Variants in PCM1 observed in about 807,000 individuals in gnomAD.
PCM1 encodes pericentriolar material 1, also known as pericentriolar material 1 protein.
A neutral mutation model predicts 241.9 loss-of-function variants in PCM1; 157 were observed. That is an observed-to-expected ratio of 0.65 (90% CI 0.57 to 0.74). The LOEUF is 0.74. Ranked by LOEUF, PCM1 falls within the 30% of genes least tolerant of loss-of-function variation. The probability of loss-of-function intolerance (pLI) is 0.00; values close to 1 mark genes in which losing one functional copy is unlikely to be tolerated. For synonymous variants in PCM1, 1,085 were observed against 784.9 expected, an observed-to-expected ratio of 1.38 and a Z score of -6.39; for missense variants, 3,478 against 2,360.1, an observed-to-expected ratio of 1.47 and a Z score of -9.81.
intron 29 of PCM1, among the ~76,000 whole-genome samples, chr8:18,000,776 C>T (rs952404656): frequency 2.0e-5 from 3 of 152,140 alleles, no homozygotes; most frequent in Non-Finnish European, 4.4e-5. Context: ...TGCCTGTCAC[C>T]ATGCCTGGCT....
intron 16 of PCM1, among the ~76,000 whole-genome samples, 190 bp downstream of exon 16, chr8:17,962,364 A>T (rs2072731155): frequency 6.6e-6 from 1 of 152,178 alleles, no homozygotes; most frequent in East Asian, 1.9e-4. Context: ...AAGATAAAAC[A>T]TTTTAATTTT....
At chr8:17,941,126 A>G (rs564012372) in intron 6 of PCM1, among the ~76,000 whole-genome samples, 1 of 152,304 alleles carries the variant, frequency 6.6e-6, no homozygotes, top group South Asian at 2.1e-4. Context: ...TGATCCAAAC[A>G]GTTGTTGAAG....
chr8:18,012,542 C>T (rs921264591), intron 34 of PCM1, among the ~76,000 whole-genome samples: 3 of 152,006 alleles, frequency 2.0e-5, no homozygotes, highest in Non-Finnish European at 2.9e-5. Flanking sequence ...ATGGATGAGG[C>T]GGTGCTTTTT....
intron 24 of PCM1, among the ~76,000 whole-genome samples, chr8:17,981,440 A>G (rs1462107985): frequency 6.6e-6 from 1 of 152,158 alleles, no homozygotes; most frequent in Non-Finnish European, 1.5e-5. Flanking sequence ...ACATTATTAT[A>G]GTATTTCCCT....
intron 2 of PCM1, among the ~76,000 whole-genome samples, chr8:17,933,853 G>A (rs1011938429): frequency 6.6e-6 from 1 of 151,578 alleles, no homozygotes; most frequent in African/African-American, 2.4e-5. Context: ...TTCTTATTTT[G>A]GTCTTTATTG....
In PCM1 at chr8:18,006,414, G is replaced by A. The variant is rs773344479; in HGVS notation, c.4962+17G>A. 16 of 1,575,320 alleles carry A rather than the reference G, an allele frequency of 1.0e-5. No individual in the cohort carries two copies. The highest frequency in any genetic ancestry group is 1.7e-5 in the Admixed American group (1 of 59,758). ...ATATTACAGGTAAGAGTTTATACTT[G>A]TATGATTTACCAATATGTACTGTGT... On this transcript the variant is annotated intron_variant, in intron 30 of 38. Transcript: ENST00000325083.
rs775466199 is a variant in PCM1 at position 18,011,375 on chromosome 8, A to G, written c.5350+9A>G. ...ATGTCCAGTGTCTATTAGTAAGTTTAAAGGCTCTGTACTATCTTTATACTT... is the reference window on the plus strand; with the variant it reads ...ATGTCCAGTGTCTATTAGTAAGTTTGAAGGCTCTGTACTATCTTTATACTT... On this transcript the variant is annotated intron_variant, in intron 33 of 38. Transcript: ENST00000325083. 8.3e-6 allele frequency: 13 copies of G among 1,572,094 alleles called. No individual in the cohort carries two copies. In the African/African-American group the frequency reaches 1.7e-4, roughly 21 times the overall value.
chr8:17,952,882 A>G, intron 8 of PCM1, 88 bp from the exon 9 acceptor site: 1 of 793,288 alleles, frequency 1.3e-6, no homozygotes, highest in Non-Finnish European at 2.0e-6. Context: ...CTTTCTCTTT[A>G]TAAAGAATAT....
intron 2 of PCM1, among the ~76,000 whole-genome samples, chr8:17,932,991 T>C (rs1033191969): frequency 1.3e-5 from 2 of 152,150 alleles, no homozygotes; most frequent in Non-Finnish European, 2.9e-5. Flanking sequence ...GAGAAAGTAG[T>C]GACTCAAACG....
chr8:17,952,218 G>T (rs917366075), intron 8 of PCM1, among the ~76,000 whole-genome samples: 31 of 123,014 alleles, frequency 2.5e-4, no homozygotes, highest in African/African-American at 1.0e-3. Flanking sequence ...GTGAGACTTT[G>T]TCTCAAAAAT....
intron 1 of PCM1, among the ~76,000 whole-genome samples, chr8:17,924,007 G>T (rs199505554): frequency 1.8e-4 from 27 of 149,248 alleles, no homozygotes; most frequent in African/African-American, 4.7e-4. Flanking sequence ...GTTTTGTTTT[G>T]TTTTTTTGAG....
At chr8:17,935,824 A>T (rs752550169) in intron 3 of PCM1, 118 bp downstream of exon 3, 1 of 584,722 alleles carries the variant, frequency 1.7e-6, no homozygotes, top group Non-Finnish European at 3.2e-6. Flanking sequence ...CCAAGACATT[A>T]AGGGACCCTG....
At chr8:18,013,941 A>G (rs577568737) in intron 34 of PCM1, 23 bp from the exon 35 acceptor site, 3 of 1,493,070 alleles carry the variant, frequency 2.0e-6, no homozygotes, top group African/African-American at 1.4e-5. Context: ...AGGCCCTGCT[A>G]TTAAAACATT....
chr8:17,933,489 A>T (rs949282240), intron 2 of PCM1, among the ~76,000 whole-genome samples: 2 of 152,222 alleles, frequency 1.3e-5, no homozygotes, highest in Middle Eastern at 6.3e-3. Flanking sequence ...AACTGGAATT[A>T]CATTAAGCCA....
intron 29 of PCM1, among the ~76,000 whole-genome samples, chr8:17,994,493 A>G (rs936953887): frequency 1.3e-5 from 2 of 152,232 alleles, no homozygotes; most frequent in Non-Finnish European, 2.9e-5. Context: ...TGCAACAAAC[A>G]TGAGTGTGCA....
chr8:18,016,212 C>A (rs2129486649), intron 36 of PCM1, among the ~76,000 whole-genome samples: 1 of 152,138 alleles, frequency 6.6e-6, no homozygotes, highest in East Asian at 1.9e-4. Context: ...TTTACTGGAT[C>A]CAGAGGTCGA....
In PCM1 at chr8:17,962,036, G is replaced by T; in HGVS notation, c.2325G>T (p.Leu775=). The T allele has an allele frequency of 6.2e-7, 1 of 1,605,462 alleles. No homozygotes were observed. The highest frequency in any genetic ancestry group is 1.1e-5 in the South Asian group (1 of 89,124). The change falls in exon 16 of 39, where the codon CTG becomes CTT. Residue 775 remains leucine, a splice_region_variant and synonymous_variant. Coordinates refer to ENST00000325083, the MANE Select transcript of PCM1 (RefSeq NM_006197.4). ...GTTTTTTGTGAATTCCTTTTTAGCT[G>T]TCAGCTGCTAGTGTGGGTAACTGTC... is the stretch of plus-strand genomic sequence containing the variant. ...ALQTACPDLQ[L]SAASVGNCPT...
At position 17,950,649 on chromosome 8, in the gene PCM1, C is replaced by T. The variant is rs746270641; in HGVS notation, c.996C>T (p.Val332=). 19 of 1,605,020 alleles carry T rather than the reference C, an allele frequency of 1.2e-5. No individual in the cohort carries two copies. Among genetic ancestry groups the T allele is most frequent in the Non-Finnish European group, 1.5e-5 (18 of 1,174,622 alleles). ...VAETAGSLSG[V]SITSELNEEL... The stretch of plus-strand genomic sequence containing the variant: ...AAACTGCAGGTAGCTTATCTGGCGT[C>T]AGTATCACATCTGAACTAAATGAAG... The change falls in exon 8 of 39, where the codon GTC becomes GTT. Residue 332 remains valine (V), a synonymous_variant. Transcript: ENST00000325083.
chr8:17,983,894 A>G (rs2081774672), intron 24 of PCM1, among the ~76,000 whole-genome samples: 1 of 152,184 alleles, frequency 6.6e-6, no homozygotes, highest in Admixed American at 6.5e-5. Flanking sequence ...ATCTAAAGAT[A>G]CAAAACAAGG....
Sources: gnomAD v4.1 joint callset for allele counts (sites outside exome capture counted in the v4.1 genomes callset) on GRCh38, gnomAD v4.1.1 for gene constraint, MANE v1.5 for transcripts, NCBI Gene and HGNC (gene_info 2026-07-23, HGNC 2026-07-21) for gene names.